Variants in DNAH7 observed in about 807,000 individuals in gnomAD.
DNAH7 encodes dynein axonemal heavy chain 7.
A neutral mutation model predicts 444.6 loss-of-function variants in DNAH7; 397 were observed. That is an observed-to-expected ratio of 0.89 (90% confidence interval 0.82 to 0.97). The LOEUF (loss-of-function observed/expected upper bound fraction) is 0.97, where lower values mean the gene tolerates loss of function less well. Ranked by LOEUF, DNAH7 falls within the 50% of genes least tolerant of loss-of-function variation. DNAH7 has a pLI of 0.00. For missense variants in DNAH7, 4,902 were observed against 4,800.8 expected (o/e 1.02, Z -0.62); for synonymous variants, 1,636 against 1,624.4 (o/e 1.01, Z -0.17).
chr2:195,768,501 G>A (rs1177861997), intron 61 of DNAH7, among the ~76,000 whole-genome samples: 2 of 151,818 alleles, frequency 1.3e-5, no homozygotes, highest in African/African-American at 4.8e-5. Context: ...AAACAATGCA[G>A]TGCTGCCCAT....
chr2:195,751,286 G>A (rs1295012495), intron 63 of DNAH7, among the ~76,000 whole-genome samples: 1 of 152,136 alleles, frequency 6.6e-6, no homozygotes, highest in Non-Finnish European at 1.5e-5. Context: ...GTTCTTAAAT[G>A]TGTTTCTGCA....
In DNAH7 at chr2:195,737,825, T is replaced by G; in HGVS notation, c.*96A>C. 4.4e-6 allele frequency: 5 copies of G among 1,139,022 alleles called. No homozygotes were observed. The highest frequency in any genetic ancestry group is 2.5e-6 in the Non-Finnish European group (2 of 806,238). 70.6% of individuals were successfully genotyped at this position (1,139,022 alleles called of 1,614,324 possible). ...ATAATTATAACTTTAGTCAAATGTATTTAAACAAACAAAAAAAAAGGTTTA... is the reference window on the plus strand; with the variant it reads ...ATAATTATAACTTTAGTCAAATGTAGTTAAACAAACAAAAAAAAAGGTTTA... On this transcript the variant is annotated 3_prime_UTR_variant, in exon 65 of 65. Transcript: ENST00000312428.
At position 195,960,530 on chromosome 2, in the gene DNAH7, G is replaced by A. The variant is rs750083194; in HGVS notation, c.2621C>T (p.Ser874Phe). The change falls in exon 18 of 65, where the codon TCC becomes TTC. Residue 874 changes from serine (S) to phenylalanine (F), a missense_variant. Physicochemically the swap from Ser to Phe is radical, Grantham distance 155. Coordinates refer to ENST00000312428, the MANE Select transcript of DNAH7 (RefSeq NM_018897.3). ...TTCCAGATTCATGTCTAAAAAAGAG[G>A]AGACTGTGGAGTCATCTGATGGCTG... Reference protein sequence around the residue: ...PLQPSDDSTVSSFLDMNLEPY... With the variant: ...PLQPSDDSTVFSFLDMNLEPY... 1.2e-5 allele frequency: 20 copies of A among 1,614,162 alleles called. 1 individual carries two copies. The South Asian group carries it at 2.2e-4, about 18-fold the overall frequency.
chr2:195,784,785 T>C (rs577575459), intron 58 of DNAH7, among the ~76,000 whole-genome samples: 1 of 152,220 alleles, frequency 6.6e-6, no homozygotes, highest in Non-Finnish European at 1.5e-5. Flanking sequence ...GTCATTCTAA[T>C]AGATGTGTAA....
At chr2:195,835,195 C>A (rs1328799367) in intron 47 of DNAH7, among the ~76,000 whole-genome samples, 1 of 152,064 alleles carries the variant, frequency 6.6e-6, no homozygotes, top group South Asian at 2.1e-4. Flanking sequence ...TTTCAATCAA[C>A]ACAAGCTCTA....
At chr2:195,975,253 C>A (rs1692111832) in intron 15 of DNAH7, among the ~76,000 whole-genome samples, 1 of 152,120 alleles carries the variant, frequency 6.6e-6, no homozygotes. Context: ...CCCCTGGCCC[C>A]CCGCATCAGC....
intron 5 of DNAH7, among the ~76,000 whole-genome samples, chr2:196,036,707 G>A (rs1490214171): frequency 2.0e-5 from 3 of 152,140 alleles, no homozygotes; most frequent in Admixed American, 6.5e-5. Flanking sequence ...GCCTGTGGCC[G>A]ACACCAATAA....
At chr2:196,019,593 T>C (rs1191411921) in intron 8 of DNAH7, among the ~76,000 whole-genome samples, 3 of 152,162 alleles carry the variant, frequency 2.0e-5, no homozygotes, top group Non-Finnish European at 4.4e-5. Flanking sequence ...AATGAACAAA[T>C]GAAAACAGCA....
At chr2:195,952,293 G>C (rs567476771) in intron 19 of DNAH7, among the ~76,000 whole-genome samples, 1 of 152,312 alleles carries the variant, frequency 6.6e-6, no homozygotes, top group Admixed American at 6.5e-5. Context: ...CTTCTGCAGA[G>C]AGATCTGCTG....
intron 31 of DNAH7, among the ~76,000 whole-genome samples, chr2:195,889,961 T>A (rs531106848): frequency 2.0e-5 from 3 of 152,214 alleles, no homozygotes; most frequent in Admixed American, 1.3e-4. Flanking sequence ...TCAACAGATA[T>A]GAAACAGTAG....
At chr2:195,889,494 T>G (rs1701898930) in intron 31 of DNAH7, among the ~76,000 whole-genome samples, 1 of 152,072 alleles carries the variant, frequency 6.6e-6, no homozygotes, top group Admixed American at 6.6e-5. Context: ...TTTTTATTTC[T>G]TGTGGTAGAG....
chr2:196,032,634 C>T (rs150881135), intron 5 of DNAH7, among the ~76,000 whole-genome samples: 1 of 152,320 alleles, frequency 6.6e-6, no homozygotes, highest in Non-Finnish European at 1.5e-5. Context: ...TAGTAATTAG[C>T]TTGCCAACCA....
chr2:196,055,488 C>T (rs1239184894), intron 2 of DNAH7, among the ~76,000 whole-genome samples: 2 of 152,188 alleles, frequency 1.3e-5, no homozygotes, highest in South Asian at 2.1e-4. Context: ...ATTAGGGGAA[C>T]GTTTCACACA....
intron 58 of DNAH7, among the ~76,000 whole-genome samples, chr2:195,785,005 G>A (rs1487095539): frequency 2.6e-5 from 4 of 151,228 alleles, no homozygotes; most frequent in African/African-American, 4.9e-5. Context: ...TCCGCCTCCC[G>A]GTTTCACGCC....
intron 3 of DNAH7, among the ~76,000 whole-genome samples, chr2:196,050,770 C>G (rs933324067): frequency 1.3e-5 from 2 of 152,146 alleles, no homozygotes; most frequent in Non-Finnish European, 2.9e-5. Context: ...TGTAGTACAG[C>G]ATTTTTCTGC....
At chr2:196,040,836 A>C (rs1039511114) in intron 5 of DNAH7, among the ~76,000 whole-genome samples, 1 of 152,138 alleles carries the variant, frequency 6.6e-6, no homozygotes, top group Non-Finnish European at 1.5e-5. Context: ...GACTCCACCC[A>C]AAAATTGTTA....
intron 16 of DNAH7, among the ~76,000 whole-genome samples, chr2:195,971,478 T>C (rs1412747440): frequency 6.6e-6 from 1 of 152,046 alleles, no homozygotes; most frequent in African/African-American, 2.4e-5. Flanking sequence ...AATTGTCCGA[T>C]AGAGATGTGG....
In DNAH7 at chr2:195,786,995, T is replaced by C. The variant is rs1005873355; in HGVS notation, c.10878+15A>G. ...AGCAACATAGGTAATGTCCTTGCTG[T>C]GATTTTTATGATACCTCATACTGGT... On this transcript the variant is annotated intron_variant, in intron 58 of 64. Transcript: ENST00000312428. 2 of 1,554,070 alleles carry C rather than the reference T, an allele frequency of 1.3e-6. No individual in the cohort carries two copies. Among genetic ancestry groups the C allele is most frequent in the Non-Finnish European group, 1.7e-6 (2 of 1,154,672 alleles).
intron 2 of DNAH7, among the ~76,000 whole-genome samples, chr2:196,057,796 C>A (rs548421175): frequency 6.6e-5 from 10 of 152,332 alleles, no homozygotes; most frequent in Admixed American, 1.3e-4. Context: ...CATACCTAGA[C>A]AGCAAATTTT....
Sources: gnomAD v4.1 joint callset for allele counts (sites outside exome capture counted in the v4.1 genomes callset) on GRCh38, gnomAD v4.1.1 for gene constraint, MANE v1.5 for transcripts, NCBI Gene and HGNC (gene_info 2026-07-23, HGNC 2026-07-21) for gene names.